Variants in NHS observed in about 807,000 individuals in gnomAD.
NHS encodes the protein actin remodeling regulator NHS.
A neutral mutation model predicts 72.5 loss-of-function variants in NHS; 5 were observed. The observed-to-expected ratio is 0.07, with a 90% confidence interval of 0.04 to 0.14. The LOEUF is 0.14. Among genes scored for constraint, NHS ranks in the 10% least tolerant of loss-of-function variants. NHS has a pLI of 1.00. For missense variants in NHS, 1,072 were observed against 1,355.7 expected, an observed-to-expected ratio of 0.79 and a Z score of 3.29; for synonymous variants, 464 against 547.7, an observed-to-expected ratio of 0.85 and a Z score of 2.13.
At chrX:17,472,361 C>G (rs2064896108) in intron 1 of NHS, among the ~76,000 whole-genome samples, 1 of 110,368 alleles carries the variant, frequency 9.1e-6, no homozygotes, top group Non-Finnish European at 1.9e-5. Context: ...GAGACAGAGA[C>G]AAGAGACATA....
chrX:17,631,907 T>C (rs1430226175), intron 1 of NHS, among the ~76,000 whole-genome samples: 2 of 112,013 alleles, frequency 1.8e-5, no homozygotes, highest in African/African-American at 6.5e-5. Flanking sequence ...GTGGCCCTCA[T>C]CTTCACAGTC....
At position 17,735,830 on chromosome X, in the gene NHS, C is replaced by A. The variant is rs1048575466; in HGVS notation, c.*3366C>A. On this transcript the variant is annotated 3_prime_UTR_variant, in exon 9 of 9. Transcript: ENST00000676302. ...TTTCAACGTTTACATTCAATCCAAG[C>A]CTTTGTATATTTTAGAGCTGTGCAA... The A allele has an allele frequency of 8.9e-6, 1 of 112,420 alleles. No homozygotes were observed. Among genetic ancestry groups the A allele is most frequent in the Admixed American group, 9.4e-5 (1 of 10,623 alleles). The allele number at this position is 112,420 out of a possible 1,213,427, so 9.3% of individuals were successfully genotyped here. A position where few individuals can be genotyped will look rare whatever the true frequency, so the allele number is the denominator to read the frequency against.
intron 5 of NHS, among the ~76,000 whole-genome samples, 196 bp downstream of exon 5, chrX:17,721,829 C>T (rs1332211844): frequency 8.9e-6 from 1 of 111,778 alleles, no homozygotes; most frequent in Non-Finnish European, 1.9e-5. Context: ...CCGCGGGCCA[C>T]TTGTTATGTA....
At chrX:17,474,750 A>G (rs1320793377) in intron 1 of NHS, among the ~76,000 whole-genome samples, 3 of 111,855 alleles carry the variant, frequency 2.7e-5, no homozygotes, top group African/African-American at 6.5e-5. Context: ...CCAGAGCAGG[A>G]AAAAGCTGTG....
chrX:17,392,070 G>A lies in NHS; in HGVS notation c.565+15748G>A, dbSNP rs182415479. 5.4e-5 allele frequency among the ~76,000 whole-genome samples: 6 copies of A among 111,798 alleles called. No individual in the cohort carries two copies. In the East Asian group the frequency reaches 1.7e-3, roughly 31 times the overall value. On this transcript the variant is annotated intron_variant, in intron 1 of 8. Transcript: ENST00000676302. ...CAGTTAGTTGCAACTTTGTGACAGAGTTCTGTCCAATGGAATGTGGAAGTA... is the reference window on the plus strand; with the variant it reads ...CAGTTAGTTGCAACTTTGTGACAGAATTCTGTCCAATGGAATGTGGAAGTA...
chrX:17,474,464 G>A (rs2064905560), intron 1 of NHS, among the ~76,000 whole-genome samples: 1 of 111,623 alleles, frequency 9.0e-6, no homozygotes, highest in Non-Finnish European at 1.9e-5. Context: ...CTGAGATGGA[G>A]ACCCGTGCAC....
intron 1 of NHS, among the ~76,000 whole-genome samples, chrX:17,537,317 A>G (rs1355115129): frequency 4.5e-5 from 5 of 112,287 alleles, no homozygotes; most frequent in Admixed American, 2.8e-4. Context: ...GAACAATGAA[A>G]TTCCTGTGAT....
chrX:17,692,207 A>C, intron 2 of NHS, 128 bp from the exon 3 acceptor site: 2 of 822,273 alleles, frequency 2.4e-6, no homozygotes, highest in East Asian at 6.6e-5. Flanking sequence ...TTTGGTATTC[A>C]AATTAGCTAA....
At chrX:17,625,750 C>G (rs762969648) in intron 1 of NHS, among the ~76,000 whole-genome samples, 57 of 111,903 alleles carry the variant, frequency 5.1e-4, no homozygotes, top group African/African-American at 1.7e-3. Context: ...TTAGCCCACT[C>G]TTTTCAAAAT....
At chrX:17,519,049 G>A (rs1014261804) in intron 1 of NHS, among the ~76,000 whole-genome samples, 2 of 111,856 alleles carry the variant, frequency 1.8e-5, no homozygotes, top group Non-Finnish European at 3.8e-5. Context: ...ACTAAGTGTT[G>A]TGCTTAGGTT....
At chrX:17,407,999 A>G (rs964855895) in intron 1 of NHS, among the ~76,000 whole-genome samples, 1 of 111,122 alleles carries the variant, frequency 9.0e-6, no homozygotes, top group Non-Finnish European at 1.9e-5. Flanking sequence ...ACGTAACAGT[A>G]TATGTATTTT....
Position 17,732,541 on chromosome X carries a change from G to A in NHS, c.*77G>A. On this transcript the variant is annotated 3_prime_UTR_variant, in exon 9 of 9. Coordinates refer to ENST00000676302, the MANE Select transcript of NHS (RefSeq NM_001291867.2). ...GATGGAGGAACAGAACAGAGGACTT[G>A]GGAAAAGTCTCAACTTGATGGGGTA... The A allele has an allele frequency of 8.4e-7, 1 of 1,188,962 alleles. No homozygotes were observed. The highest frequency in any genetic ancestry group is 1.1e-6 in the Non-Finnish European group (1 of 875,529).
At chrX:17,656,480 G>A (rs2065956569) in intron 1 of NHS, among the ~76,000 whole-genome samples, 2 of 112,121 alleles carry the variant, frequency 1.8e-5, no homozygotes, top group Admixed American at 9.3e-5. Flanking sequence ...GAGGCTCGAG[G>A]CCAGCCGCGC....
At chrX:17,387,091 T>C (rs763820759) in intron 1 of NHS, among the ~76,000 whole-genome samples, 1 of 112,325 alleles carries the variant, frequency 8.9e-6, no homozygotes, top group East Asian at 2.8e-4. Flanking sequence ...ACTAGCAATG[T>C]TTCTCCAAGT....
At chrX:17,731,267 C>T (rs1441121760) in intron 8 of NHS, among the ~76,000 whole-genome samples, 3 of 73,904 alleles carry the variant, frequency 4.1e-5, no homozygotes, top group Non-Finnish European at 4.6e-5. Context: ...CAGAGTCTTG[C>T]TCTGTCGCCC....
intron 1 of NHS, among the ~76,000 whole-genome samples, chrX:17,636,181 C>T (rs919415676): frequency 8.9e-6 from 1 of 111,985 alleles, no homozygotes; most frequent in Non-Finnish European, 1.9e-5. Flanking sequence ...CTCCCAGTGT[C>T]CCCAAAACAG....
intron 1 of NHS, among the ~76,000 whole-genome samples, chrX:17,553,408 T>G (rs1454319864): frequency 2.7e-5 from 3 of 112,708 alleles, no homozygotes; most frequent in African/African-American, 9.7e-5. Context: ...GAATGGGTTT[T>G]GGATTAAGAA....
chrX:17,650,628 TCTAAAGCACAC>T lies in NHS; in HGVS notation c.566-37111_566-37101del, dbSNP rs758058498. On this transcript the variant is annotated intron_variant, in intron 1 of 8. Coordinates refer to ENST00000676302, the MANE Select transcript of NHS (RefSeq NM_001291867.2). ...CTATCAGAATAATCCAAAGACCAGGTCTAAAGCACACCTGGATTTTCTTGGTAAATTGTCTG... is the reference window on the plus strand; with the variant it reads ...CTATCAGAATAATCCAAAGACCAGGTCTGGATTTTCTTGGTAAATTGTCTG... Among the ~76,000 whole-genome samples, 230 of 112,010 alleles carry T rather than the reference TCTAAAGCACAC, an allele frequency of 2.1e-3. No homozygotes were observed. In the Middle Eastern group the frequency reaches 0.032, roughly 16 times the overall value.
At chrX:17,633,828 G>A (rs940502145) in intron 1 of NHS, among the ~76,000 whole-genome samples, 1 of 111,625 alleles carries the variant, frequency 9.0e-6, no homozygotes, top group Non-Finnish European at 1.9e-5. Context: ...CCTTTCATTC[G>A]CGACAGTCTT....
Sources: allele counts gnomAD v4.1 joint callset (sites outside exome capture counted in the v4.1 genomes callset), GRCh38; gene constraint gnomAD v4.1.1; transcripts MANE v1.5; gene names NCBI Gene and HGNC (gene_info 2026-07-23, HGNC 2026-07-21).